The following CCBE1 variants were observed in gnomAD, a reference collection of about 807,000 sequenced individuals.
CCBE1 encodes collagen and calcium binding EGF domains 1, also known as collagen and calcium-binding EGF domain-containing protein 1.
In CCBE1, 37 loss-of-function variants were observed where a neutral mutation model predicts 50.0. That is an observed-to-expected ratio of 0.74 (90% CI 0.57 to 0.97). The LOEUF (loss-of-function observed/expected upper bound fraction) is 0.97, where lower values mean the gene tolerates loss of function less well. CCBE1 is among the 50% of genes least tolerant of loss of function. The pLI, the probability that CCBE1 is intolerant of heterozygous loss-of-function variation, is 0.00. For missense variants in CCBE1, 538 were observed against 523.8 expected, an observed-to-expected ratio of 1.03 and a Z score of -0.26; for synonymous variants, 234 against 203.7, an observed-to-expected ratio of 1.15 and a Z score of -1.27.
intron 2 of CCBE1, among the ~76,000 whole-genome samples, chr18:59,567,947 CATTT>C (rs1009121124): frequency 3.9e-5 from 6 of 152,124 alleles, no homozygotes; most frequent in Non-Finnish European, 5.9e-5. Flanking sequence ...AAATTTTCTT[CATTT>C]GTTTTTGAAC....
At chr18:59,676,471 C>T (rs1284448975) in intron 2 of CCBE1, among the ~76,000 whole-genome samples, 2 of 152,158 alleles carry the variant, frequency 1.3e-5, no homozygotes, top group Non-Finnish European at 2.9e-5. Flanking sequence ...ATGCTATCTT[C>T]TTATATATAA....
At chr18:59,612,854 T>C (rs1457924706) in intron 2 of CCBE1, among the ~76,000 whole-genome samples, 1 of 142,808 alleles carries the variant, frequency 7.0e-6, no homozygotes, top group Non-Finnish European at 1.5e-5. Context: ...TTTTGTTTTT[T>C]TTAATGTCTG....
chr18:59,575,974 CAAACA>C (rs1425386232), intron 2 of CCBE1, among the ~76,000 whole-genome samples: 2 of 152,206 alleles, frequency 1.3e-5, no homozygotes, highest in Non-Finnish European at 2.9e-5. Flanking sequence ...CAGCTCCAGG[CAAACA>C]TTGATTGCTT....
chr18:59,460,267 C>A (rs563625214), intron 5 of CCBE1, among the ~76,000 whole-genome samples: 2 of 152,302 alleles, frequency 1.3e-5, no homozygotes, highest in East Asian at 3.9e-4. Context: ...TCCTAACAAC[C>A]AGCTGAGGTT....
At chr18:59,513,886 G>A (rs527521162) in intron 2 of CCBE1, among the ~76,000 whole-genome samples, 2 of 152,292 alleles carry the variant, frequency 1.3e-5, no homozygotes, top group African/African-American at 4.8e-5. Flanking sequence ...GAAGCAGGGG[G>A]AGAGAAGACC....
chr18:59,468,767 A>T (rs764144706), intron 4 of CCBE1, among the ~76,000 whole-genome samples: 3 of 151,826 alleles, frequency 2.0e-5, no homozygotes, highest in African/African-American at 7.3e-5. Context: ...CATTAGAGGC[A>T]TTGGTGTAAA....
At chr18:59,471,902 T>C (rs1009348444) in intron 3 of CCBE1, among the ~76,000 whole-genome samples, 1 of 152,264 alleles carries the variant, frequency 6.6e-6, no homozygotes, top group African/African-American at 2.4e-5. Context: ...AAGCCGGGCA[T>C]GGTGGCATGT....
chr18:59,583,250 C>T (rs2053112743), intron 2 of CCBE1, among the ~76,000 whole-genome samples: 1 of 140,990 alleles, frequency 7.1e-6, no homozygotes, highest in African/African-American at 2.5e-5. Flanking sequence ...AATTGTAAGC[C>T]CACAGAAAAA....
chr18:59,683,559 G>A (rs1163452962), intron 2 of CCBE1, among the ~76,000 whole-genome samples: 1 of 152,110 alleles, frequency 6.6e-6, no homozygotes, highest in African/African-American at 2.4e-5. Flanking sequence ...TTAGCCAGGA[G>A]TGGTGGCGCA....
chr18:59,677,894 T>C (rs1476073774), intron 2 of CCBE1, among the ~76,000 whole-genome samples: 1 of 152,162 alleles, frequency 6.6e-6, no homozygotes, highest in Non-Finnish European at 1.5e-5. Context: ...AAAAATTAAG[T>C]TCTTAACTAC....
At position 59,435,942 on chromosome 18, in the gene CCBE1, C is replaced by T. The variant is rs1202033771; in HGVS notation, c.1187G>A (p.Arg396Lys). 2 of 1,614,134 alleles carry T rather than the reference C, an allele frequency of 1.2e-6. No individual in the cohort carries two copies. Among genetic ancestry groups the T allele is most frequent in the South Asian group, 1.1e-5 (1 of 91,078 alleles). Residue 396 changes from arginine (R) to lysine (K), a missense_variant, in exon 11 of 11, where the codon AGA (arginine) becomes AAA (lysine). Arg to Lys is a conservative substitution (Grantham distance 26). Coordinates refer to ENST00000439986, the MANE Select transcript of CCBE1 (RefSeq NM_133459.4). ...GDDHPRRTETRDLRAPRDFYP is the reference protein window; with the variant it reads ...GDDHPRRTETKDLRAPRDFYP ...GAAGTCTCTGGGGGCTCTCAAGTCT[C>T]TTGTCTCAGTTCTTCTTGGATGGTC...
At chr18:59,535,740 A>G in intron 2 of CCBE1, among the ~76,000 whole-genome samples, 1 of 152,264 alleles carries the variant, frequency 6.6e-6, no homozygotes, top group Non-Finnish European at 1.5e-5. Context: ...GAATAGGTAC[A>G]GTCATGATAC....
chr18:59,563,732 G>A (rs1404817169), intron 2 of CCBE1: 1 of 152,182 alleles, frequency 6.6e-6, no homozygotes, highest in East Asian at 1.9e-4. Context: ...TCCCAACAAA[G>A]GAACTTAGGA....
intron 2 of CCBE1, among the ~76,000 whole-genome samples, chr18:59,571,017 G>C (rs558718149): frequency 6.6e-6 from 1 of 152,128 alleles, no homozygotes; most frequent in Non-Finnish European, 1.5e-5. Flanking sequence ...GAGTTGTAAC[G>C]TATGAACTTC....
intron 2 of CCBE1, among the ~76,000 whole-genome samples, chr18:59,501,329 C>T (rs1015133590): frequency 6.6e-6 from 1 of 152,182 alleles, no homozygotes; most frequent in African/African-American, 2.4e-5. Flanking sequence ...GGGGAAGCAC[C>T]AGGCTTGTGG....
chr18:59,488,839 C>G (rs1598945081), intron 2 of CCBE1, among the ~76,000 whole-genome samples: 1 of 152,198 alleles, frequency 6.6e-6, no homozygotes, highest in Non-Finnish European at 1.5e-5. Flanking sequence ...CCCAACAGCA[C>G]ATGTAAAAAG....
intron 2 of CCBE1, among the ~76,000 whole-genome samples, chr18:59,508,711 C>CT (rs55881131): frequency 0.054 from 5,159 of 95,504 alleles, 455 homozygotes; most frequent in Non-Finnish European, 0.067. Context: ...TAGAGTTACG[C>CT]TTTTTTTTTT....
intron 2 of CCBE1, among the ~76,000 whole-genome samples, chr18:59,538,411 A>G (rs1017584015): frequency 7.9e-5 from 12 of 152,222 alleles, no homozygotes; most frequent in Admixed American, 6.6e-5. Flanking sequence ...ATACTTTGAA[A>G]AGGCGCGATG....
chr18:59,550,943 T>C (rs1463074462), intron 2 of CCBE1, among the ~76,000 whole-genome samples: 1 of 132,480 alleles, frequency 7.5e-6, no homozygotes, highest in Non-Finnish European at 1.5e-5. Flanking sequence ...AGGCGGAGCT[T>C]GCACTGAGCT....
Sources: allele counts gnomAD v4.1 joint callset (sites outside exome capture counted in the v4.1 genomes callset), GRCh38; gene constraint gnomAD v4.1.1; transcripts MANE v1.5; gene names NCBI Gene and HGNC (gene_info 2026-07-23, HGNC 2026-07-21).